Variants in CLMP observed in about 807,000 individuals in gnomAD.
CLMP encodes CXADR like cell adhesion molecule.
CLMP carries 27 observed loss-of-function variants against 45.2 expected under a neutral mutation model. The observed-to-expected ratio is 0.60, with a 90% CI of 0.44 to 0.82. The LOEUF is 0.82. CLMP is among the 40% of genes least tolerant of loss of function. CLMP has a pLI of 0.00. For synonymous variants in CLMP, 167 were observed against 171.4 expected (o/e 0.97, Z 0.20); for missense variants, 403 against 448.4 (o/e 0.90, Z 0.91).
chr11:123,182,613 G>C (rs7130937), intron 1 of CLMP, among the ~76,000 whole-genome samples: 31 of 152,044 alleles, frequency 2.0e-4, no homozygotes, highest in Admixed American at 1.3e-4. Context: ...CCCTCTGGGC[G>C]TTTATTTCCC....
intron 1 of CLMP, among the ~76,000 whole-genome samples, chr11:123,164,042 A>G (rs1387933963): frequency 6.6e-6 from 1 of 152,230 alleles, no homozygotes; most frequent in Non-Finnish European, 1.5e-5. Context: ...TGATAGTGAT[A>G]TTAACAACAA....
At chr11:123,145,618 A>G (rs927689772) in intron 1 of CLMP, among the ~76,000 whole-genome samples, 1 of 151,996 alleles carries the variant, frequency 6.6e-6, no homozygotes, top group African/African-American at 2.4e-5. Context: ...GCCCGCCACT[A>G]TGCCTGGCTA....
intron 2 of CLMP, among the ~76,000 whole-genome samples, chr11:123,094,402 C>T (rs550361163): frequency 1.6e-4 from 24 of 152,190 alleles, no homozygotes; most frequent in African/African-American, 3.9e-4. Flanking sequence ...CCACTGTGCC[C>T]GCCCGGCCCA....
At chr11:123,138,037 C>T (rs760442259) in intron 1 of CLMP, among the ~76,000 whole-genome samples, 2 of 151,626 alleles carry the variant, frequency 1.3e-5, no homozygotes, top group Non-Finnish European at 2.9e-5. Flanking sequence ...ACCCTCAGGG[C>T]CCGGGGCTGC....
chr11:123,142,214 A>G (rs1344425054), intron 1 of CLMP, among the ~76,000 whole-genome samples: 1 of 151,958 alleles, frequency 6.6e-6, no homozygotes, highest in Non-Finnish European at 1.5e-5. Context: ...CAAACTTCTG[A>G]GCTCAAGCAA....
chr11:123,094,767 C>T (rs770055470), intron 2 of CLMP, among the ~76,000 whole-genome samples: 13 of 151,996 alleles, frequency 8.6e-5, no homozygotes, highest in Non-Finnish European at 1.5e-5. Context: ...TTTCTTTGTT[C>T]CTACCTTTCT....
intron 1 of CLMP, chr11:123,136,504 A>T: frequency 3.7e-6 from 1 of 272,000 alleles, no homozygotes; most frequent in Non-Finnish European, 6.5e-6. Flanking sequence ...ATGGAAGTCT[A>T]TGGTCTCTCC....
In CLMP at chr11:123,084,618, G is replaced by A. The variant is rs1473958326; in HGVS notation, c.282C>T (p.Ala94=). The change falls in exon 3 of 7, where the codon GCC becomes GCT. Residue 94 remains alanine, a synonymous_variant. Transcript: ENST00000448775. ...GCTTCAGAGGTTCAATCTGCAAGGA[G>A]GCATCTCCTGCCAGGAAATTGGAAG... ...AFASNFLAGD[A]SLQIEPLKPS... is the part of the protein sequence containing the mutation. 1.9e-6 allele frequency: 3 copies of A among 1,614,018 alleles called. No homozygotes were observed. The highest frequency in any genetic ancestry group is 2.2e-5 in the South Asian group (2 of 91,090).
intron 2 of CLMP, among the ~76,000 whole-genome samples, chr11:123,089,659 T>A (rs896557349): frequency 1.3e-4 from 20 of 148,586 alleles, no homozygotes; most frequent in Non-Finnish European, 3.0e-4. Flanking sequence ...CGCCCGTAGT[T>A]CCAGCTACTC....
intron 1 of CLMP, among the ~76,000 whole-genome samples, chr11:123,169,826 C>T (rs529376815): frequency 2.0e-5 from 3 of 152,026 alleles, no homozygotes; most frequent in Non-Finnish European, 2.9e-5. Context: ...CAGAGGAAGC[C>T]GGTGTTGGGG....
intron 1 of CLMP, among the ~76,000 whole-genome samples, chr11:123,120,056 C>T (rs1442845572): frequency 6.6e-6 from 1 of 152,126 alleles, no homozygotes; most frequent in African/African-American, 2.4e-5. Flanking sequence ...GACTTTTTCC[C>T]ATTCACTTAT....
chr11:123,190,019 A>G (rs1269713715), intron 1 of CLMP, among the ~76,000 whole-genome samples: 1 of 148,974 alleles, frequency 6.7e-6, no homozygotes, highest in Non-Finnish European at 1.5e-5. Context: ...AAAAAAAAAA[A>G]AAAACAAAGC....
At chr11:123,100,895 G>T (rs966782608) in intron 1 of CLMP, among the ~76,000 whole-genome samples, 1 of 151,792 alleles carries the variant, frequency 6.6e-6, no homozygotes, top group African/African-American at 2.4e-5. Context: ...CTGGGTTCCA[G>T]GTTGCTCCTT....
chr11:123,155,214 C>T (rs553806378), intron 1 of CLMP, among the ~76,000 whole-genome samples: 1 of 152,340 alleles, frequency 6.6e-6, no homozygotes, highest in East Asian at 1.9e-4. Flanking sequence ...TGGTCTCAAA[C>T]TCCTGGCCTG....
chr11:123,073,712 C>T lies in CLMP; in HGVS notation c.884G>A (p.Arg295Gln), dbSNP rs767892280. ...VKPSSSSSGS[R>Q]SSRSGSSSTR... ...GGAGGAAGAACCAGAGCGTGAGCTC[C>T]GAGAGCCTGAGGAAGAGGAGCTGGG... is the stretch of plus-strand genomic sequence containing the variant. The change falls in exon 7 of 7, where the codon CGG becomes CAG. Residue 295 changes from arginine to glutamine, a missense_variant. By Grantham distance (43) the Arg-to-Gln change is conservative. Coordinates refer to ENST00000448775, the MANE Select transcript of CLMP (RefSeq NM_024769.5). 5.6e-6 allele frequency: 9 copies of T among 1,613,732 alleles called. No homozygotes were observed. The highest frequency in any genetic ancestry group is 4.0e-5 in the African/African-American group (3 of 74,910).
chr11:123,074,920 G>A, intron 5 of CLMP, 77 bp from the exon 6 acceptor site: 1 of 1,476,792 alleles, frequency 6.8e-7, no homozygotes. Context: ...AAAAACATAA[G>A]CTCTGGACAG....
intron 1 of CLMP, among the ~76,000 whole-genome samples, chr11:123,150,480 A>AAAGAAAGAAAGAAAGAAAGGAAGG (rs764502298): frequency 1.2e-4 from 5 of 40,954 alleles, no homozygotes; most frequent in Non-Finnish European, 1.9e-4. Context: ...AGAAAGAAAG[A>AAAGAAAGAAAGAAAGAAAGGAAGG]AAGGAAGGAA....
chr11:123,125,476 TCC>T (rs1860875790), intron 1 of CLMP, among the ~76,000 whole-genome samples: 1 of 24,222 alleles, frequency 4.1e-5, no homozygotes, highest in African/African-American at 1.5e-4. Flanking sequence ...CCTCCCTCCC[TCC>T]TCCCTCCCTC....
At chr11:123,185,056 G>A (rs1285395453) in intron 1 of CLMP, among the ~76,000 whole-genome samples, 4 of 152,152 alleles carry the variant, frequency 2.6e-5, no homozygotes, top group Non-Finnish European at 1.5e-5. Flanking sequence ...ATGAGGCGGC[G>A]GATGGGAGGG....
Sources: allele counts gnomAD v4.1 joint callset (sites outside exome capture counted in the v4.1 genomes callset), GRCh38; gene constraint gnomAD v4.1.1; transcripts MANE v1.5; gene names NCBI Gene and HGNC (gene_info 2026-07-23, HGNC 2026-07-21).